PPP3CA: variants seen among roughly 807,000 people sequenced by gnomAD.
The protein encoded by PPP3CA is CAM-PRP catalytic subunit.
A neutral mutation model predicts 66.5 loss-of-function variants in PPP3CA; 14 were observed. The ratio of observed to expected loss-of-function variants is 0.21; its 90% CI spans 0.14 to 0.33. The LOEUF (loss-of-function observed/expected upper bound fraction) is 0.33. Ranked by LOEUF, PPP3CA falls within the 10% of genes least tolerant of loss-of-function variation. The pLI, the probability that PPP3CA is intolerant of heterozygous loss-of-function variation, is 1.00. For synonymous variants in PPP3CA, 232 were observed against 226.2 expected, an observed-to-expected ratio of 1.03 and a Z score of -0.23; for missense variants, 317 against 639.5, an observed-to-expected ratio of 0.50 and a Z score of 5.44.
intron 2 of PPP3CA, among the ~76,000 whole-genome samples, chr4:101,175,518 G>A (rs760532079): frequency 6.6e-6 from 1 of 152,100 alleles, no homozygotes; most frequent in Non-Finnish European, 1.5e-5. Flanking sequence ...TAGCCTTAAT[G>A]TTTCTTCCAG....
intron 10 of PPP3CA, among the ~76,000 whole-genome samples, chr4:101,057,339 G>T (rs953145045): frequency 6.6e-6 from 1 of 152,180 alleles, no homozygotes; most frequent in Non-Finnish European, 1.5e-5. Context: ...TTATAGGCAT[G>T]AGCCACTGCA....
At chr4:101,162,356 C>A (rs553497010) in intron 2 of PPP3CA, among the ~76,000 whole-genome samples, 7 of 151,852 alleles carry the variant, frequency 4.6e-5, no homozygotes, top group Admixed American at 1.3e-4. Flanking sequence ...GATGGTGAAA[C>A]CCCATCTCTA....
intron 1 of PPP3CA, among the ~76,000 whole-genome samples, chr4:101,298,863 G>A (rs1318413655): frequency 3.0e-5 from 3 of 101,558 alleles, no homozygotes; most frequent in African/African-American, 1.0e-4. Context: ...GTGTGTGTGT[G>A]TGTGTGTGTG....
intron 1 of PPP3CA, among the ~76,000 whole-genome samples, chr4:101,344,404 C>A (rs1293195425): frequency 6.6e-6 from 1 of 152,038 alleles, no homozygotes; most frequent in African/African-American, 2.4e-5. Context: ...TAATATTCTA[C>A]AAGAAAACAG....
chr4:101,193,401 T>C (rs1724674684), intron 2 of PPP3CA, among the ~76,000 whole-genome samples: 1 of 152,104 alleles, frequency 6.6e-6, no homozygotes. Context: ...CTTTACAAAA[T>C]GTCTGCAACA....
At chr4:101,263,031 C>T (rs2110257668) in intron 1 of PPP3CA, among the ~76,000 whole-genome samples, 1 of 152,268 alleles carries the variant, frequency 6.6e-6, no homozygotes, top group Non-Finnish European at 1.5e-5. Context: ...GCTTATGATG[C>T]ACAATGCAGT....
intron 2 of PPP3CA, among the ~76,000 whole-genome samples, chr4:101,113,634 G>C (rs986781231): frequency 6.6e-6 from 1 of 152,108 alleles, no homozygotes; most frequent in Non-Finnish European, 1.5e-5. Context: ...TTATCCTTAA[G>C]TCCTATTATC....
chr4:101,153,232 T>C (rs114659928), intron 2 of PPP3CA, among the ~76,000 whole-genome samples: 173 of 152,256 alleles, frequency 1.1e-3, no homozygotes, highest in Non-Finnish European at 2.0e-3. Flanking sequence ...AAACTCTGTG[T>C]GTGGGTCTGA....
chr4:101,040,478 C>A lies in PPP3CA; in HGVS notation c.1241+4G>T. ...AAACAAAAACAGAGTACGAATGCAC[C>A]CACCTGAGCACTGAGAACACTCTGG... On this transcript the variant is annotated splice_donor_region_variant and intron_variant, in intron 11 of 13. Coordinates refer to ENST00000394854, the MANE Select transcript of PPP3CA (RefSeq NM_000944.5). 1 of 1,592,216 alleles carries A rather than the reference C, an allele frequency of 6.3e-7. No individual in the cohort carries two copies. Among genetic ancestry groups the A allele is most frequent in the South Asian group, 1.1e-5 (1 of 87,696 alleles).
intron 1 of PPP3CA, among the ~76,000 whole-genome samples, chr4:101,222,897 T>C (rs1725670436): frequency 6.6e-6 from 1 of 151,760 alleles, no homozygotes; most frequent in Admixed American, 6.6e-5. Flanking sequence ...AGACACAAGT[T>C]AAAATTTAAT....
intron 1 of PPP3CA, among the ~76,000 whole-genome samples, chr4:101,242,159 C>T (rs1001596128): frequency 6.6e-6 from 1 of 151,456 alleles, no homozygotes; most frequent in African/African-American, 2.4e-5. Flanking sequence ...ATAGTAGAAA[C>T]ACCTAGATTA....
chr4:101,323,689 A>G lies in PPP3CA; in HGVS notation c.58+23050T>C, dbSNP rs1056083201. 2.0e-5 allele frequency among the ~76,000 whole-genome samples: 3 copies of G among 152,244 alleles called. No individual in the cohort carries two copies. The South Asian group carries it at 6.2e-4, about 31-fold the overall frequency. ...AGGGAAATATTTAATAACAGTAATT[A>G]TATCAGCAAATACTTATATAGCACT... is the stretch of plus-strand genomic sequence containing the variant. On this transcript the variant is annotated intron_variant, in intron 1 of 13. Coordinates refer to ENST00000394854, the MANE Select transcript of PPP3CA (RefSeq NM_000944.5).
At chr4:101,315,950 G>A (rs989884963) in intron 1 of PPP3CA, among the ~76,000 whole-genome samples, 11 of 152,130 alleles carry the variant, frequency 7.2e-5, no homozygotes, top group Admixed American at 7.2e-4. Context: ...AAGGCTGGTT[G>A]CTTGCCTAGT....
chr4:101,295,746 G>C (rs2110293851), intron 1 of PPP3CA, among the ~76,000 whole-genome samples: 1 of 152,286 alleles, frequency 6.6e-6, no homozygotes, highest in African/African-American at 2.4e-5. Context: ...TGCCATATAG[G>C]CATTACCTAC....
intron 1 of PPP3CA, among the ~76,000 whole-genome samples, chr4:101,316,297 A>T (rs1189935948): frequency 1.3e-5 from 2 of 151,588 alleles, no homozygotes; most frequent in Non-Finnish European, 2.9e-5. Flanking sequence ...AATATAATCA[A>T]ATTTTTCAAG....
chr4:101,088,584 C>CAAAAAAA (rs1174497803), intron 6 of PPP3CA, among the ~76,000 whole-genome samples: 5 of 35,742 alleles, frequency 1.4e-4, no homozygotes, highest in African/African-American at 3.0e-4. Context: ...GACTCCATCT[C>CAAAAAAA]AAAAAAAAAA....
intron 1 of PPP3CA, among the ~76,000 whole-genome samples, chr4:101,215,863 G>A (rs1044250429): frequency 6.6e-6 from 1 of 151,946 alleles, no homozygotes; most frequent in East Asian, 1.9e-4. Flanking sequence ...AAAGATGAAC[G>A]CCATCTAGCA....
At chr4:101,103,686 T>C (rs1730542238) in intron 3 of PPP3CA, among the ~76,000 whole-genome samples, 2 of 152,198 alleles carry the variant, frequency 1.3e-5, no homozygotes, top group Non-Finnish European at 1.5e-5. Context: ...AGTTGAGATC[T>C]GGATCTAAGT....
At chr4:101,210,173 C>T (rs2110204023) in intron 1 of PPP3CA, among the ~76,000 whole-genome samples, 1 of 152,254 alleles carries the variant, frequency 6.6e-6, no homozygotes, top group East Asian at 1.9e-4. Flanking sequence ...TCCTCAGTTA[C>T]CCCGTCTGGA....
Sources: gnomAD v4.1 joint callset for allele counts (sites outside exome capture counted in the v4.1 genomes callset) on GRCh38, gnomAD v4.1.1 for gene constraint, MANE v1.5 for transcripts, NCBI Gene and HGNC (gene_info 2026-07-23, HGNC 2026-07-21) for gene names.